The following FBXO46 variants were observed in gnomAD, a reference collection of about 807,000 sequenced individuals.
FBXO46 encodes F-box only protein 46.
In FBXO46, 13 loss-of-function variants were observed where a neutral mutation model predicts 30.7. That is an observed-to-expected ratio of 0.42 (90% CI 0.28 to 0.67). FBXO46 has a LOEUF of 0.67. FBXO46 is among the 30% of genes least tolerant of loss of function. The pLI, the probability that FBXO46 is intolerant of heterozygous loss-of-function variation, is 0.21. For missense variants in FBXO46, 754 were observed against 871.5 expected (o/e 0.87, Z 1.70); for synonymous variants, 467 against 385.8 (o/e 1.21, Z -2.47).
intron 1 of FBXO46, among the ~76,000 whole-genome samples, chr19:45,723,774 T>C (rs75687970): frequency 6.6e-6 from 1 of 152,090 alleles, no homozygotes; most frequent in East Asian, 1.9e-4. Context: ...ATTCTTCTGC[T>C]TCAGCCTCCC....
chr19:45,728,714 T>C (rs956241376), intron 1 of FBXO46, among the ~76,000 whole-genome samples: 1 of 152,084 alleles, frequency 6.6e-6, no homozygotes, highest in Non-Finnish European at 1.5e-5. Flanking sequence ...AATAAAAAAT[T>C]AGTCCCAGCT....
chr19:45,727,905 G>A (rs10418853), intron 1 of FBXO46, among the ~76,000 whole-genome samples: 2,952 of 152,208 alleles, frequency 0.019, 97 homozygotes, highest in African/African-American at 0.068. Flanking sequence ...GGTATTTGGC[G>A]GGGACAGGAA....
At chr19:45,722,589 C>T (rs1415191365) in intron 1 of FBXO46, among the ~76,000 whole-genome samples, 4 of 152,028 alleles carry the variant, frequency 2.6e-5, no homozygotes, top group Admixed American at 6.6e-5. Flanking sequence ...GGTGAAACCC[C>T]GTTTCTACTA....
At chr19:45,733,089 C>G (rs1568551593), upstream of FBXO46, among the ~76,000 whole-genome samples, 1 of 152,110 alleles carries the variant, frequency 6.6e-6, no homozygotes, top group Non-Finnish European at 1.5e-5. The surrounding 1 kb of genome is among the most constrained non-coding windows in gnomAD (Gnocchi z 5.7). Flanking sequence ...CATCATAGGG[C>G]CAGAAGGGAC....
At chr19:45,729,461 G>A (rs1337015408) in intron 1 of FBXO46, among the ~76,000 whole-genome samples, 2 of 152,178 alleles carry the variant, frequency 1.3e-5, no homozygotes, top group African/African-American at 4.8e-5. Flanking sequence ...ACTTGCCTAA[G>A]GTCATATAGC....
At position 45,713,027 on chromosome 19, in the gene FBXO46, C is replaced by T. The variant is rs974807728; in HGVS notation, c.469G>A (p.Glu157Lys). The change falls in exon 2 of 2, where the codon GAG becomes AAG. Residue 157 changes from glutamate (E) to lysine (K), a missense_variant. Physicochemically the swap from Glu to Lys is moderately conservative, Grantham distance 56 (BLOSUM62 1). This residue lies in a region of FBXO46 where 454 missense variants were observed against 426.5 expected (regional missense o/e 1.06). Transcript: ENST00000317683. The surrounding 1 kb of genome is among the most constrained non-coding windows in gnomAD (Gnocchi z 4.7). ...PGGREGPPAA[E>K]EGPASAGEDV... ...TCACCGGCTGAGGCGGGGCCCTCCT[C>T]AGCAGCAGGGGGGCCCTCCCGGCCC... is the stretch of plus-strand genomic sequence containing the variant. The T allele has an allele frequency of 2.6e-6, 4 of 1,557,942 alleles. No homozygotes were observed. In the African/African-American group the frequency reaches 4.1e-5, roughly 16 times the overall value.
At chr19:45,718,677 G>A (rs1002176633) in intron 1 of FBXO46, among the ~76,000 whole-genome samples, 4 of 151,960 alleles carry the variant, frequency 2.6e-5, no homozygotes, top group African/African-American at 7.3e-5. Flanking sequence ...CCTGCCCAGA[G>A]GGGACCTCTG....
Position 45,720,629 on chromosome 19 carries a change from T to C in FBXO46, c.-78-7056A>G, listed in dbSNP as rs149352806. 1.4e-3 allele frequency among the ~76,000 whole-genome samples: 220 copies of C among 152,200 alleles called. 1 individual carries two copies. Among genetic ancestry groups the C allele is most frequent in the Non-Finnish European group, 7.4e-4 (50 of 68,004 alleles). On this transcript the variant is annotated intron_variant, in intron 1 of 1. Coordinates refer to ENST00000317683, the MANE Select transcript of FBXO46 (RefSeq NM_001080469.2). ...TATACCAGCACGCCCAGCTAATTTT[T>C]ACATTTTTTTGTACTGATGAGGTCT... is the stretch of plus-strand genomic sequence containing the variant.
chr19:45,728,461 T>C (rs1356103539), intron 1 of FBXO46, among the ~76,000 whole-genome samples: 1 of 152,210 alleles, frequency 6.6e-6, no homozygotes, highest in Non-Finnish European at 1.5e-5. Flanking sequence ...AGTTCCACTA[T>C]ACTGCATTAT....
rs1386204130 is a variant in FBXO46, at chr19:45,713,866, G to A, written c.-78-293C>T. Among the ~76,000 whole-genome samples the A allele has an allele frequency of 6.6e-6, 1 of 151,552 alleles. No individual in the cohort carries two copies. Among genetic ancestry groups the A allele is most frequent in the Admixed American group, 6.6e-5 (1 of 15,168 alleles). On this transcript the variant is annotated intron_variant, in intron 1 of 1. Coordinates refer to ENST00000317683, the MANE Select transcript of FBXO46 (RefSeq NM_001080469.2). This position sits in a 1 kb window ranked among gnomAD's most constrained non-coding sequence, Gnocchi z 4.7. Reference sequence around the variant, plus strand: ...GCCTGTAATCCAAGCTACTTGGGAGGCTGAGGCACGAGAATCGCTTGAACC... The same window carrying A: ...GCCTGTAATCCAAGCTACTTGGGAGACTGAGGCACGAGAATCGCTTGAACC...
intron 1 of FBXO46, among the ~76,000 whole-genome samples, chr19:45,729,720 G>A (rs1355121983): frequency 6.6e-6 from 1 of 152,174 alleles, no homozygotes; most frequent in Non-Finnish European, 1.5e-5. Flanking sequence ...CCCCTCAGGG[G>A]TGTTATCAGA....
rs988276261 is a variant in FBXO46, at chr19:45,710,871, A to C, written c.*813T>G. 1.2e-5 allele frequency: 2 copies of C among 161,528 alleles called. No individual in the cohort carries two copies. Among genetic ancestry groups the C allele is most frequent in the Non-Finnish European group, 2.7e-5 (2 of 74,326 alleles). The allele number at this position is 161,528 out of a possible 1,614,324, so 10.0% of individuals were successfully genotyped here. ...TGAACGAGACCCCAGAGTGGAAGGAAAAACAACCCAGAAATGCAAATCCGA... is the reference window on the plus strand; with the variant it reads ...TGAACGAGACCCCAGAGTGGAAGGACAAACAACCCAGAAATGCAAATCCGA... On this transcript the variant is annotated 3_prime_UTR_variant, in exon 2 of 2. Transcript: ENST00000317683.
chr19:45,729,751 C>A (rs1968284001), intron 1 of FBXO46, among the ~76,000 whole-genome samples: 1 of 152,212 alleles, frequency 6.6e-6, no homozygotes, highest in Admixed American at 6.5e-5. Context: ...TTAATGTGTA[C>A]AAACAGCTAA....
In FBXO46 at chr19:45,712,320, AG is replaced by A; in HGVS notation, c.1175del (p.Thr392MetfsTer4). The A allele has an allele frequency of 6.2e-7, 1 of 1,601,648 alleles. No individual in the cohort carries two copies. Among genetic ancestry groups the A allele is most frequent in the South Asian group, 1.1e-5 (1 of 91,086 alleles). On this transcript the variant is annotated frameshift_variant, in exon 2 of 2. Transcript: ENST00000317683. LOFTEE classifies it high-confidence loss of function. The surrounding 1 kb of genome is among the most constrained non-coding windows in gnomAD (Gnocchi z 8.8). ...KDGTKNVKEE[T>X]VCLTVSPEEP... ...CCTCCGGGCTGACCGTCAGGCACAC[AG>A]TCTCCTCCTTCACGTTCTTGGTGCC... is the stretch of plus-strand genomic sequence containing the variant.
Position 45,711,709 on chromosome 19 carries a change from C to CGGCCCCCGCCT in FBXO46, c.1776_1786dup (p.Arg596GlnfsTer50), listed in dbSNP as rs1967972169. On this transcript the variant is annotated frameshift_variant, in exon 2 of 2. Coordinates refer to ENST00000317683, the MANE Select transcript of FBXO46 (RefSeq NM_001080469.2). LOFTEE classifies it high-confidence loss of function. ...TCACCTCCCCTCCTCCCGGCCGGCC[C>CGGCCCCCGCCT]GGCCCCCGCCTGGCCCATTGCAGGG... 6.5e-7 allele frequency: 1 copy of CGGCCCCCGCCT among 1,532,192 alleles called. No homozygotes were observed. The highest frequency in any genetic ancestry group is 8.7e-7 in the Non-Finnish European group (1 of 1,142,956). The allele number at this position is 1,532,192 out of a possible 1,614,324, so 94.9% of individuals were successfully genotyped here.
In FBXO46 at chr19:45,712,951, C is replaced by G; in HGVS notation, c.545G>C (p.Arg182Pro). 1.3e-6 allele frequency: 2 copies of G among 1,589,696 alleles called. No homozygotes were observed. Among genetic ancestry groups the G allele is most frequent in the Non-Finnish European group, 1.7e-6 (2 of 1,167,870 alleles). Residue 182 changes from arginine to proline, a missense_variant, in exon 2 of 2, where the codon CGG becomes CCG. Arg to Pro is a moderately radical substitution (Grantham distance 103, BLOSUM62 -2). This residue lies in a region of FBXO46 where 454 missense variants were observed against 426.5 expected (regional missense o/e 1.06). Coordinates refer to ENST00000317683, the MANE Select transcript of FBXO46 (RefSeq NM_001080469.2). This position sits in a 1 kb window ranked among gnomAD's most constrained non-coding sequence, Gnocchi z 8.8. The stretch of plus-strand genomic sequence containing the variant: ...GTAGCTCTGCAGGGCCAGGGCTGCC[C>G]GCTGTTCCACCAGGGCCACCATCTC... ...VAEMVALVEQRAALALQSYPR... is the reference protein window; with the variant it reads ...VAEMVALVEQPAALALQSYPR...
At chr19:45,733,139 A>C (rs1026945332), upstream of FBXO46, 5 of 152,382 alleles carry the variant, frequency 3.3e-5, no homozygotes, top group African/African-American at 1.2e-4. This position sits in a 1 kb window ranked among gnomAD's most constrained non-coding sequence, Gnocchi z 5.7. Context: ...GAGAGTTGGC[A>C]GTTGAGGAAA....
At chr19:45,726,015 G>A (rs1471801595) in intron 1 of FBXO46, among the ~76,000 whole-genome samples, 1 of 152,068 alleles carries the variant, frequency 6.6e-6, no homozygotes, top group Non-Finnish European at 1.5e-5. Context: ...GGGACTATAG[G>A]CTCATGCCAC....
rs892840600 is a variant in FBXO46 at position 45,710,779 on chromosome 19, T to C, written c.*905A>G. On this transcript the variant is annotated 3_prime_UTR_variant, in exon 2 of 2. Coordinates refer to ENST00000317683, the MANE Select transcript of FBXO46 (RefSeq NM_001080469.2). Reference sequence around the variant, plus strand: ...ACCCCAGACCAAAATGCCTGAAAAATCAAGGTCCTGGTTGACCAAAGGATT... The same window carrying C: ...ACCCCAGACCAAAATGCCTGAAAAACCAAGGTCCTGGTTGACCAAAGGATT... 1 of 152,276 alleles carries C rather than the reference T, an allele frequency of 6.6e-6. No individual in the cohort carries two copies. The highest frequency in any genetic ancestry group is 6.5e-5 in the Admixed American group (1 of 15,268). 9.4% of individuals were successfully genotyped at this position (152,276 alleles called of 1,614,324 possible).
Sources: allele counts gnomAD v4.1 joint callset (sites outside exome capture counted in the v4.1 genomes callset), GRCh38; gene constraint gnomAD v4.1.1; regional missense constraint gnomAD v4.1.1; non-coding constraint Gnocchi (gnomAD v3.1); transcripts MANE v1.5; gene names NCBI Gene and HGNC (gene_info 2026-07-23, HGNC 2026-07-21).